The following STPG2 variants were observed in gnomAD, a reference collection of about 807,000 sequenced individuals.
STPG2 encodes sperm-tail PG-rich repeat-containing protein 2.
In STPG2, 56 loss-of-function variants were observed where a neutral mutation model predicts 54.2. The ratio of observed to expected loss-of-function variants is 1.03; its 90% CI spans 0.83 to 1.29. The LOEUF (loss-of-function observed/expected upper bound fraction) is 1.29. STPG2 is among the 50% of genes most tolerant of loss of function. The probability of loss-of-function intolerance (pLI) is 0.00; values close to 1 mark genes in which losing one functional copy is unlikely to be tolerated. For synonymous variants in STPG2, 200 were observed against 181.8 expected (o/e 1.10, Z -0.81); for missense variants, 596 against 544.9 (o/e 1.09, Z -0.93).
At chr4:97,476,032 C>T (rs1438563560) in intron 4 of STPG2, among the ~76,000 whole-genome samples, 1 of 152,152 alleles carries the variant, frequency 6.6e-6, no homozygotes, top group Non-Finnish European at 1.5e-5. Flanking sequence ...TTGTCCATCT[C>T]TCTCATGCCT....
intron 8 of STPG2, among the ~76,000 whole-genome samples, chr4:97,903,702 T>C (rs1192193485): frequency 1.3e-5 from 2 of 152,128 alleles, no homozygotes; most frequent in South Asian, 2.1e-4. Context: ...TTCATCTCAC[T>C]AGGGAGTGCC....
intron 10 of STPG2, among the ~76,000 whole-genome samples, chr4:97,653,245 A>G (rs1722125147): frequency 6.6e-6 from 1 of 152,064 alleles, no homozygotes; most frequent in African/African-American, 2.4e-5. Context: ...ACGTAGCAGC[A>G]CAGAATGAGA....
At chr4:97,765,534 T>C (rs1319703790) in intron 9 of STPG2, among the ~76,000 whole-genome samples, 1 of 152,196 alleles carries the variant, frequency 6.6e-6, no homozygotes, top group African/African-American at 2.4e-5. Context: ...TTGCACTTTT[T>C]CCTTCTGTTA....
chr4:97,634,297 A>G (rs1026246544), intron 10 of STPG2, among the ~76,000 whole-genome samples: 2 of 152,140 alleles, frequency 1.3e-5, no homozygotes, highest in Admixed American at 1.3e-4. Flanking sequence ...TGTTAGAAGG[A>G]AAACTAACAA....
At chr4:97,626,869 T>C (rs913532260) in intron 10 of STPG2, among the ~76,000 whole-genome samples, 19 of 152,116 alleles carry the variant, frequency 1.2e-4, no homozygotes, top group Non-Finnish European at 5.9e-5. Flanking sequence ...AGAAATGCAA[T>C]TGCTTTTTAT....
chr4:97,571,422 G>A (rs1018934333), intron 10 of STPG2, among the ~76,000 whole-genome samples: 3 of 151,908 alleles, frequency 2.0e-5, no homozygotes, highest in Admixed American at 6.6e-5. Context: ...ATACCTCTAC[G>A]GCACTAACAT....
chr4:97,946,151 T>C (rs1733211270), intron 7 of STPG2, among the ~76,000 whole-genome samples: 2 of 152,194 alleles, frequency 1.3e-5, no homozygotes, highest in Admixed American at 6.6e-5. Context: ...TGACTAGTGA[T>C]GTTGAATATT....
At chr4:97,582,008 C>CT (rs1318737059) in intron 10 of STPG2, among the ~76,000 whole-genome samples, 1 of 151,804 alleles carries the variant, frequency 6.6e-6, no homozygotes, top group African/African-American at 2.4e-5. Context: ...CTTATTTGGT[C>CT]TTATTATTTT....
intron 9 of STPG2, among the ~76,000 whole-genome samples, chr4:97,785,281 A>G (rs1726790142): frequency 6.6e-6 from 1 of 152,066 alleles, no homozygotes; most frequent in South Asian, 2.1e-4. Flanking sequence ...GGTATTGTGA[A>G]ATGCAATAAC....
intron 8 of STPG2, among the ~76,000 whole-genome samples, chr4:97,867,866 G>A (rs1433899716): frequency 2.0e-5 from 3 of 151,962 alleles, no homozygotes; most frequent in Non-Finnish European, 4.4e-5. Flanking sequence ...AGGAATCATG[G>A]ATAGCAATTT....
chr4:98,131,266 C>T (rs190065521), intron 2 of STPG2, among the ~76,000 whole-genome samples: 1 of 152,240 alleles, frequency 6.6e-6, no homozygotes, highest in East Asian at 1.9e-4. Context: ...TGTATTATGG[C>T]TCTAAGATAG....
intron 10 of STPG2, among the ~76,000 whole-genome samples, chr4:97,651,563 A>G (rs1256545330): frequency 6.6e-6 from 1 of 152,088 alleles, no homozygotes; most frequent in East Asian, 1.9e-4. Context: ...ATAAAAATTT[A>G]AACATCAGAA....
At chr4:97,456,149 A>G (rs1729511806) in intron 4 of STPG2, among the ~76,000 whole-genome samples, 1 of 152,224 alleles carries the variant, frequency 6.6e-6, no homozygotes. Context: ...TGATTATATT[A>G]GTCTGTTCTC....
chr4:97,930,473 G>C (rs1303722884), intron 8 of STPG2, among the ~76,000 whole-genome samples: 2 of 152,274 alleles, frequency 1.3e-5, no homozygotes, highest in Non-Finnish European at 2.9e-5. Context: ...ATTTGTTGAA[G>C]ATCAGATGGT....
At chr4:97,579,410 T>G (rs1341207450) in intron 10 of STPG2, among the ~76,000 whole-genome samples, 5 of 152,064 alleles carry the variant, frequency 3.3e-5, no homozygotes, top group Non-Finnish European at 7.4e-5. Flanking sequence ...ATCTCAAAAT[T>G]TGAAATATAT....
At chr4:97,729,089 C>CTCTCTCTCTCTT (rs1202167939) in intron 9 of STPG2, among the ~76,000 whole-genome samples, 1 of 151,308 alleles carries the variant, frequency 6.6e-6, no homozygotes, top group Non-Finnish European at 1.5e-5. Context: ...CTCTCTCTCT[C>CTCTCTCTCTCTT]TCTCTCTCAG....
At chr4:97,494,041 C>CA (rs1007865060) in intron 4 of STPG2, among the ~76,000 whole-genome samples, 6 of 151,288 alleles carry the variant, frequency 4.0e-5, no homozygotes, top group African/African-American at 1.2e-4. Context: ...TGATTCAACA[C>CA]AAAAAAACGT....
At chr4:97,822,110 A>G (rs886259414) in intron 9 of STPG2, among the ~76,000 whole-genome samples, 5 of 152,196 alleles carry the variant, frequency 3.3e-5, no homozygotes, top group Non-Finnish European at 7.3e-5. Flanking sequence ...GTAAATTCAA[A>G]TTAATTTTTA....
At chr4:97,563,399 T>A (rs1019669543) in intron 10 of STPG2, among the ~76,000 whole-genome samples, 15 of 152,202 alleles carry the variant, frequency 9.9e-5, no homozygotes, top group Admixed American at 9.8e-4. Flanking sequence ...GCTCCTGGAT[T>A]CATTACTTTT....
Sources: gnomAD v4.1 joint callset for allele counts (sites outside exome capture counted in the v4.1 genomes callset) on GRCh38, gnomAD v4.1.1 for gene constraint, MANE v1.5 for transcripts, NCBI Gene and HGNC (gene_info 2026-07-23, HGNC 2026-07-21) for gene names.